CLSTN2: variants seen among roughly 807,000 people sequenced by gnomAD.
CLSTN2 encodes the protein calsyntenin-2.
A neutral mutation model predicts 101.2 loss-of-function variants in CLSTN2; 48 were observed. The ratio of observed to expected loss-of-function variants is 0.47; its 90% CI spans 0.38 to 0.60. The LOEUF (loss-of-function observed/expected upper bound fraction) is 0.60. Ranked by LOEUF, CLSTN2 falls within the 20% of genes least tolerant of loss-of-function variation. The pLI is 0.00. For missense variants in CLSTN2, 1,160 were observed against 1,238.2 expected (o/e 0.94, Z 0.95); for synonymous variants, 481 against 463.6 (o/e 1.04, Z -0.48).
chr3:140,314,928 A>G (rs1040147967), intron 2 of CLSTN2, among the ~76,000 whole-genome samples: 1 of 152,188 alleles, frequency 6.6e-6, no homozygotes, highest in African/African-American at 2.4e-5. Context: ...TCATTCATGA[A>G]CAACCTCTGG....
At chr3:140,384,197 G>A (rs541990507) in intron 2 of CLSTN2, among the ~76,000 whole-genome samples, 79 of 152,306 alleles carry the variant, frequency 5.2e-4, no homozygotes, top group Middle Eastern at 6.8e-3. Flanking sequence ...GCATGTCCCC[G>A]AACTGGGAAT....
At chr3:140,535,686 T>A (rs1935345032) in intron 9 of CLSTN2, among the ~76,000 whole-genome samples, 1 of 152,252 alleles carries the variant, frequency 6.6e-6, no homozygotes, top group African/African-American at 2.4e-5. Context: ...AGGCCCTTTA[T>A]ACACATGGGG....
intron 1 of CLSTN2, among the ~76,000 whole-genome samples, chr3:139,937,263 T>C (rs1415749565): frequency 6.6e-6 from 1 of 152,074 alleles, no homozygotes; most frequent in Non-Finnish European, 1.5e-5. Context: ...GTAGTAATAA[T>C]GCACGGCTGA....
At chr3:140,486,803 G>A (rs1934249474) in intron 8 of CLSTN2, among the ~76,000 whole-genome samples, 1 of 152,222 alleles carries the variant, frequency 6.6e-6, no homozygotes, top group Non-Finnish European at 1.5e-5. Flanking sequence ...GGAGGGCCCA[G>A]TCTCACCTTC....
At chr3:140,121,750 G>A (rs2107799514) in intron 1 of CLSTN2, among the ~76,000 whole-genome samples, 1 of 152,312 alleles carries the variant, frequency 6.6e-6, no homozygotes, top group South Asian at 2.1e-4. Flanking sequence ...TGGCTTAGGT[G>A]CTGTTTGGTG....
intron 2 of CLSTN2, among the ~76,000 whole-genome samples, chr3:140,260,545 T>C (rs2086642427): frequency 6.6e-6 from 1 of 151,146 alleles, no homozygotes; most frequent in Admixed American, 6.6e-5. Flanking sequence ...ATTTAGACTT[T>C]AGAACAATTT....
intron 1 of CLSTN2, among the ~76,000 whole-genome samples, chr3:140,014,440 A>AACTCCTAGTCTTAAATAATCCACCC (rs2007154466): frequency 6.6e-6 from 1 of 151,980 alleles, no homozygotes; most frequent in Non-Finnish European, 1.5e-5. Flanking sequence ...GCTGGTCTCA[A>AACTCCTAGTCTTAAATAATCCACCC]ACTCCTAGTC....
intron 1 of CLSTN2, among the ~76,000 whole-genome samples, chr3:140,174,936 G>A (rs1027869838): frequency 6.6e-6 from 1 of 152,180 alleles, no homozygotes; most frequent in South Asian, 2.1e-4. Context: ...GCAGGTCCAG[G>A]TTCCCTCTGA....
intron 1 of CLSTN2, among the ~76,000 whole-genome samples, chr3:140,139,410 C>T (rs1325172903): frequency 2.6e-5 from 4 of 152,218 alleles, no homozygotes; most frequent in East Asian, 1.9e-4. Flanking sequence ...CTGGGCTGTC[C>T]TGCCTGCCTG....
chr3:140,223,450 C>A (rs985978049), intron 2 of CLSTN2, among the ~76,000 whole-genome samples: 1 of 152,172 alleles, frequency 6.6e-6, no homozygotes, highest in Admixed American at 6.5e-5. Flanking sequence ...TTGGAGGGAG[C>A]TAAAGGGGGT....
chr3:140,049,957 CCTT>C (rs777309175), intron 1 of CLSTN2, among the ~76,000 whole-genome samples: 9 of 152,212 alleles, frequency 5.9e-5, no homozygotes, highest in Non-Finnish European at 1.3e-4. Context: ...TCTGAGTTCA[CCTT>C]CTCTCTTGCT....
At chr3:140,407,890 C>T (rs942682407) in intron 4 of CLSTN2, among the ~76,000 whole-genome samples, 2 of 152,176 alleles carry the variant, frequency 1.3e-5, no homozygotes, top group Non-Finnish European at 2.9e-5. Context: ...CATCAGATCG[C>T]ACCTCCTTGA....
At chr3:139,977,647 T>C (rs1010905775) in intron 1 of CLSTN2, among the ~76,000 whole-genome samples, 3 of 148,356 alleles carry the variant, frequency 2.0e-5, no homozygotes, top group Non-Finnish European at 3.0e-5. Flanking sequence ...GCTCCTTTGT[T>C]CATACTGACT....
intron 5 of CLSTN2, among the ~76,000 whole-genome samples, chr3:140,440,672 G>A (rs2088753581): frequency 6.6e-6 from 1 of 152,166 alleles, no homozygotes; most frequent in African/African-American, 2.4e-5. Flanking sequence ...CTTGCTCACA[G>A]TACACAATAC....
intron 2 of CLSTN2, among the ~76,000 whole-genome samples, chr3:140,348,322 TA>T (rs1478129568): frequency 5.9e-5 from 9 of 152,208 alleles, no homozygotes; most frequent in African/African-American, 2.2e-4. Context: ...TTCCAACTTT[TA>T]AAACATGTAT....
chr3:140,220,601 C>T (rs1475981617), intron 2 of CLSTN2, among the ~76,000 whole-genome samples: 2 of 152,230 alleles, frequency 1.3e-5, no homozygotes, highest in Admixed American at 6.5e-5. Context: ...TTCAGAGGCA[C>T]ATTTGCCAAG....
intron 2 of CLSTN2, among the ~76,000 whole-genome samples, chr3:140,268,223 A>T (rs956706792): frequency 6.6e-6 from 1 of 152,138 alleles, no homozygotes; most frequent in African/African-American, 2.4e-5. Flanking sequence ...CCTTCAGAAG[A>T]GGGAGGAATC....
chr3:140,125,902 G>C (rs1245648864), intron 1 of CLSTN2, among the ~76,000 whole-genome samples: 1 of 152,104 alleles, frequency 6.6e-6, no homozygotes, highest in Admixed American at 6.5e-5. Context: ...AAGAAATGAG[G>C]ACATGACAAC....
intron 8 of CLSTN2, among the ~76,000 whole-genome samples, chr3:140,473,740 T>C (rs1183181404): frequency 1.2e-5 from 1 of 85,932 alleles, no homozygotes; most frequent in Non-Finnish European, 3.9e-5. Context: ...TGGGGGTTTT[T>C]TGTGTTTTTT....
Sources: allele counts gnomAD v4.1 joint callset (sites outside exome capture counted in the v4.1 genomes callset), GRCh38; gene constraint gnomAD v4.1.1; transcripts MANE v1.5; gene names NCBI Gene and HGNC (gene_info 2026-07-23, HGNC 2026-07-21).